The following SUSD5 variants were observed in gnomAD, a reference collection of about 807,000 sequenced individuals.
SUSD5 encodes sushi domain-containing protein 5.
A neutral mutation model predicts 29.5 loss-of-function variants in SUSD5; 33 were observed. The observed-to-expected ratio is 1.12, with a 90% CI of 0.85 to 1.49. The LOEUF (loss-of-function observed/expected upper bound fraction) is 1.49, where lower values mean the gene tolerates loss of function less well. SUSD5 is among the 40% of genes most tolerant of loss of function. The pLI, the probability that SUSD5 is intolerant of heterozygous loss-of-function variation, is 0.00. For missense variants in SUSD5, 776 were observed against 800.6 expected (o/e 0.97, Z 0.37); for synonymous variants, 308 against 325.3 (o/e 0.95, Z 0.57).
chr3:33,197,129 A>G (rs918495897), intron 3 of SUSD5, among the ~76,000 whole-genome samples: 6 of 152,150 alleles, frequency 3.9e-5, no homozygotes, highest in African/African-American at 1.4e-4. Context: ...AGGGTCAAAA[A>G]AAGTGGTGGA....
At position 33,202,058 on chromosome 3, in the gene SUSD5, A is replaced by ATCTATCTG. The variant is rs1398226837; in HGVS notation, c.409+5749_409+5750insCAGATAGA. ...TATCTATCTATCTATCTATCTATCTATCTGTCTATCTATCTATCTATCATC... is the reference window on the plus strand; with the variant it reads ...TATCTATCTATCTATCTATCTATCTATCTATCTGTCTGTCTATCTATCTATCTATCATC... On this transcript the variant is annotated intron_variant, in intron 3 of 4. Coordinates refer to ENST00000309558, the MANE Select transcript of SUSD5 (RefSeq NM_015551.2). 8.4e-3 allele frequency among the ~76,000 whole-genome samples: 921 copies of ATCTATCTG among 109,552 alleles called. 8 individuals carry two copies. The highest frequency in any genetic ancestry group is 0.036 in the African/African-American group (813 of 22,370). The allele number at this position is 109,552 out of a possible 152,430, so 71.9% of individuals were successfully genotyped here. A position where few individuals can be genotyped will look rare whatever the true frequency, so the allele number is the denominator to read the frequency against.
At chr3:33,185,543 T>C (rs2031760800) in intron 3 of SUSD5, among the ~76,000 whole-genome samples, 1 of 152,286 alleles carries the variant, frequency 6.6e-6, no homozygotes, top group South Asian at 2.1e-4. Flanking sequence ...CTTGTGATTA[T>C]CTGTTTTTAC....
chr3:33,203,713 A>G (rs116156425), intron 3 of SUSD5, among the ~76,000 whole-genome samples: 3 of 152,082 alleles, frequency 2.0e-5, no homozygotes, highest in Non-Finnish European at 4.4e-5. Context: ...CTGCCTCTGG[A>G]ACACATCCGG....
intron 3 of SUSD5, among the ~76,000 whole-genome samples, chr3:33,180,034 C>A (rs1001531294): frequency 3.3e-5 from 5 of 152,174 alleles, no homozygotes; most frequent in Non-Finnish European, 1.5e-5. Context: ...ATGTACAGTA[C>A]AAAATACTCA....
At chr3:33,209,651 CTTTCTTTTCTTTTTT>C (rs1024864450) in intron 2 of SUSD5, among the ~76,000 whole-genome samples, 9 of 143,624 alleles carry the variant, frequency 6.3e-5, no homozygotes, top group Non-Finnish European at 7.6e-5. Flanking sequence ...TCTCTTCTTT[CTTTCTTTTCTTTTTT>C]TTTCTTTTCT....
intron 4 of SUSD5, among the ~76,000 whole-genome samples, chr3:33,171,722 C>A (rs2031431772): frequency 6.6e-6 from 1 of 152,198 alleles, no homozygotes; most frequent in South Asian, 2.1e-4. Context: ...CACATACACA[C>A]TGAAAACACA....
In SUSD5 at chr3:33,153,078, G is replaced by C. The variant is rs1182512307; in HGVS notation, c.1554C>G (p.Thr518=). Residue 518 remains threonine, a synonymous_variant, in exon 5 of 5, where the codon ACC becomes ACG. Transcript: ENST00000309558. ...NHIPSTIMAT[T]QPPVETTVPE... ...GAACAGTGGTTTCTACTGGAGGCTG[G>C]GTGGTTGCCATGATCGTTGAGGGGA... 3 of 1,613,886 alleles carry C rather than the reference G, an allele frequency of 1.9e-6. No individual in the cohort carries two copies. The highest frequency in any genetic ancestry group is 2.2e-5 in the South Asian group (2 of 91,066).
At chr3:33,202,066 A>ATCTATCTATCTG (rs2032131666) in intron 3 of SUSD5, among the ~76,000 whole-genome samples, 2 of 104,278 alleles carry the variant, frequency 1.9e-5, no homozygotes, top group Non-Finnish European at 4.5e-5. Flanking sequence ...CTATCTGTCT[A>ATCTATCTATCTG]TCTATCTATC....
rs973449223 is a variant in SUSD5 at position 33,151,062 on chromosome 3, A to G, written c.*1680T>C. ...CTGCACACAGCCATGCCTGACTTCC[A>G]CACAACACACACCACATACTCATCT... On this transcript the variant is annotated 3_prime_UTR_variant, in exon 5 of 5. Transcript: ENST00000309558. The G allele has an allele frequency of 1.3e-5, 2 of 152,298 alleles. No homozygotes were observed. Among genetic ancestry groups the G allele is most frequent in the Non-Finnish European group, 2.9e-5 (2 of 68,036 alleles). The allele number at this position is 152,298 out of a possible 1,614,324, so 9.4% of individuals were successfully genotyped here. A position where few individuals can be genotyped will look rare whatever the true frequency, so the allele number is the denominator to read the frequency against.
Position 33,199,214 on chromosome 3 carries a change from TCACACACACACACA to T in SUSD5, c.409+8580_409+8593del, listed in dbSNP as rs35522769. On this transcript the variant is annotated intron_variant, in intron 3 of 4. Coordinates refer to ENST00000309558, the MANE Select transcript of SUSD5 (RefSeq NM_015551.2). ...ATGTCTTTTTTTCTAGGGGAGAATT[TCACACACACACACA>T]CACACACACACACACACACGTTTAC... Among the ~76,000 whole-genome samples the T allele has an allele frequency of 8.3e-4, 123 of 147,994 alleles. 1 individual carries two copies. Among genetic ancestry groups the T allele is most frequent in the Middle Eastern group, 6.9e-3 (2 of 290 alleles).
intron 3 of SUSD5, among the ~76,000 whole-genome samples, chr3:33,186,979 A>T (rs1280258069): frequency 1.3e-5 from 2 of 152,124 alleles, no homozygotes; most frequent in African/African-American, 4.8e-5. Flanking sequence ...AGTAGGGGAG[A>T]ATCATGTAGG....
At position 33,153,217 on chromosome 3, in the gene SUSD5, A is replaced by G. The variant is rs1274496657; in HGVS notation, c.1415T>C (p.Leu472Pro). The G allele has an allele frequency of 1.2e-6, 2 of 1,613,816 alleles. No individual in the cohort carries two copies. The highest frequency in any genetic ancestry group is 1.7e-6 in the Non-Finnish European group (2 of 1,179,856). The change falls in exon 5 of 5, where the codon CTA (leucine) becomes CCA (proline). Residue 472 changes from leucine (L) to proline (P), a missense_variant. By Grantham distance (98) the Leu-to-Pro change is moderately conservative. Coordinates refer to ENST00000309558, the MANE Select transcript of SUSD5 (RefSeq NM_015551.2). ...TTCCTCTGTGATGAATCTCCAGGGT[A>G]GAGTTGACTGGTACTTCGTCAAGTC... ...DGDLTKYQST[L>P]PWRFITEESP...
chr3:33,211,755 G>T (rs760155047), intron 2 of SUSD5, among the ~76,000 whole-genome samples: 5 of 152,202 alleles, frequency 3.3e-5, no homozygotes, highest in African/African-American at 1.2e-4. Context: ...GACTAAAGAA[G>T]TGTTTATTTC....
At chr3:33,161,730 G>C (rs769558912) in intron 4 of SUSD5, among the ~76,000 whole-genome samples, 1 of 152,116 alleles carries the variant, frequency 6.6e-6, no homozygotes, top group African/African-American at 2.4e-5. Context: ...AAAATACTTA[G>C]TAGAGATAAA....
intron 3 of SUSD5, among the ~76,000 whole-genome samples, chr3:33,193,686 CA>C (rs755766671): frequency 4.1e-4 from 63 of 152,000 alleles, no homozygotes; most frequent in Non-Finnish European, 7.6e-4. Flanking sequence ...ACCACCTTTG[CA>C]AAAAGTATGA....
At chr3:33,174,261 C>T (rs1274816408) in intron 4 of SUSD5, among the ~76,000 whole-genome samples, 3 of 152,166 alleles carry the variant, frequency 2.0e-5, no homozygotes, top group Non-Finnish European at 4.4e-5. Context: ...CGTCTCCTCG[C>T]TCCACCCCTC....
rs1206727029 is a variant in SUSD5, at chr3:33,153,123, GA to G, written c.1508del (p.Val503AlafsTer20). 2.5e-6 allele frequency: 4 copies of G among 1,613,802 alleles called. No homozygotes were observed. The African/African-American group carries it at 4.0e-5, about 16-fold the overall frequency. On this transcript the variant is annotated frameshift_variant, in exon 5 of 5. Coordinates refer to ENST00000309558, the MANE Select transcript of SUSD5 (RefSeq NM_015551.2). LOFTEE classifies it high-confidence loss of function. ...STLEILTVNT[V>X]KQTPNHIPST... ...AGGGGATGTGGTTAGGTGTCTGCTT[GA>G]CAGTGTTCACTGTTAATATCTCCAG...
chr3:33,190,846 A>G (rs2031876792), intron 3 of SUSD5, among the ~76,000 whole-genome samples: 1 of 152,166 alleles, frequency 6.6e-6, no homozygotes, highest in Non-Finnish European at 1.5e-5. Flanking sequence ...CAGAGGACCT[A>G]GACAGACTTT....
At chr3:33,188,745 GA>G (rs1213714226) in intron 3 of SUSD5, among the ~76,000 whole-genome samples, 1 of 152,148 alleles carries the variant, frequency 6.6e-6, no homozygotes, top group Non-Finnish European at 1.5e-5. Context: ...AAGATTATTG[GA>G]AAAGGACTCC....
Sources: gnomAD v4.1 joint callset for allele counts (sites outside exome capture counted in the v4.1 genomes callset) on GRCh38, gnomAD v4.1.1 for gene constraint, MANE v1.5 for transcripts, NCBI Gene and HGNC (gene_info 2026-07-23, HGNC 2026-07-21) for gene names.